The following LAMA2 variants were observed in gnomAD, a reference collection of about 807,000 sequenced individuals.
The protein encoded by LAMA2 is laminin subunit alpha 2, also known as laminin subunit alpha-2.
In LAMA2, 269 loss-of-function variants were observed where a neutral mutation model predicts 364.8. The ratio of observed to expected loss-of-function variants is 0.74; its 90% CI spans 0.67 to 0.82. LAMA2 has a LOEUF of 0.82. Ranked by LOEUF, LAMA2 falls within the 40% of genes least tolerant of loss-of-function variation. LAMA2 has a pLI of 0.00. For missense variants in LAMA2, 3,807 were observed against 3,873.2 expected (o/e 0.98, Z 0.45); for synonymous variants, 1,379 against 1,370.6 (o/e 1.01, Z -0.14).
At chr6:129,468,335 C>A (rs1783646240) in intron 51 of LAMA2, among the ~76,000 whole-genome samples, 1 of 151,726 alleles carries the variant, frequency 6.6e-6, no homozygotes, top group Non-Finnish European at 1.5e-5. Context: ...TGGTGTCTCA[C>A]CACAAATTTC....
chr6:129,418,969 A>G (rs923776362), intron 40 of LAMA2, among the ~76,000 whole-genome samples: 6 of 152,188 alleles, frequency 3.9e-5, no homozygotes, highest in Admixed American at 3.3e-4. Flanking sequence ...GTATTTAAAA[A>G]TATGCACTAC....
intron 12 of LAMA2, among the ~76,000 whole-genome samples, chr6:129,227,439 G>GT (rs908327428): frequency 6.6e-6 from 1 of 152,162 alleles, no homozygotes; most frequent in Non-Finnish European, 1.5e-5. Context: ...TCTCTGCTCT[G>GT]TTTTTTCCCC....
intron 41 of LAMA2, among the ~76,000 whole-genome samples, chr6:129,429,247 T>A (rs1005994757): frequency 6.6e-6 from 1 of 152,250 alleles, no homozygotes; most frequent in Non-Finnish European, 1.5e-5. Context: ...ATATTCCATC[T>A]TCTTTTACAA....
At chr6:129,195,739 C>T (rs1781798283) in intron 12 of LAMA2, among the ~76,000 whole-genome samples, 1 of 152,166 alleles carries the variant, frequency 6.6e-6, no homozygotes. Context: ...GGTTTTAGGG[C>T]ATTTGTTTAA....
chr6:129,251,979 T>G (rs1325394928), intron 13 of LAMA2, 105 bp from the exon 14 acceptor site: 2 of 698,848 alleles, frequency 2.9e-6, no homozygotes, highest in Non-Finnish European at 4.8e-6. Flanking sequence ...ATTTTTAAAG[T>G]TAAAAGTCTA....
chr6:128,896,197 G>A (rs1458388721), intron 1 of LAMA2, among the ~76,000 whole-genome samples: 1 of 151,604 alleles, frequency 6.6e-6, no homozygotes, highest in Non-Finnish European at 1.5e-5. Flanking sequence ...AAATTTTTGA[G>A]GTTTATGTGT....
rs111952391 is a variant in LAMA2, at chr6:129,510,911, T to C, written c.8858-1452T>C. ...GTTACAGGTTATGCTGAACCCCGAA[T>C]TCCATGTGCTATGAAAGTCTAAAAG... is the stretch of plus-strand genomic sequence containing the variant. On this transcript the variant is annotated intron_variant, in intron 62 of 64. Coordinates refer to ENST00000421865, the MANE Select transcript of LAMA2 (RefSeq NM_000426.4). Among the ~76,000 whole-genome samples the C allele has an allele frequency of 8.3e-3, 1,263 of 152,242 alleles. 11 individuals are homozygous for C. The highest frequency in any genetic ancestry group is 0.014 in the Non-Finnish European group (943 of 67,982).
At chr6:129,314,914 C>A in intron 24 of LAMA2, 116 bp downstream of exon 24, 3 of 1,060,798 alleles carry the variant, frequency 2.8e-6, no homozygotes, top group Non-Finnish European at 1.5e-6. Context: ...ACCTTTTCCT[C>A]TGTGAACATT....
intron 7 of LAMA2, among the ~76,000 whole-genome samples, chr6:129,151,671 C>T (rs1192973390): frequency 6.6e-6 from 1 of 152,200 alleles, no homozygotes; most frequent in African/African-American, 2.4e-5. Flanking sequence ...GCACATCTTA[C>T]ATGGTACAGG....
rs1583965215 is a variant in LAMA2, at chr6:129,516,217, C to G, written c.9239C>G (p.Thr3080Ser). 6.2e-7 allele frequency: 1 copy of G among 1,614,128 alleles called. No individual in the cohort carries two copies. The highest frequency in any genetic ancestry group is 8.5e-7 in the Non-Finnish European group (1 of 1,180,012). The stretch of plus-strand genomic sequence containing the variant: ...GACCTCAAGCAGTTTGGCCTAACAA[C>G]CAGTATTCCGTTCCGAGGTTGCATC... ...PDDLKQFGLT[T>S]SIPFRGCIRS... is the part of the protein sequence containing the mutation. The change falls in exon 65 of 65, where the codon ACC (threonine) becomes AGC (serine). Residue 3080 changes from threonine (T) to serine (S), a missense_variant. Coordinates refer to ENST00000421865, the MANE Select transcript of LAMA2 (RefSeq NM_000426.4).
In LAMA2 at chr6:129,479,258, T is replaced by G. The variant is rs530784718; in HGVS notation, c.7572+445T>G. Among the ~76,000 whole-genome samples, 4 of 152,316 alleles carry G rather than the reference T, an allele frequency of 2.6e-5. No individual in the cohort carries two copies. The South Asian group carries it at 8.3e-4, about 32-fold the overall frequency. On this transcript the variant is annotated intron_variant, in intron 54 of 64. Coordinates refer to ENST00000421865, the MANE Select transcript of LAMA2 (RefSeq NM_000426.4). ...CCGTAGCCATTAGTGCATAGTCTGT[T>G]GTCTACAAACTTGAAGTCTAGCCCC...
chr6:128,942,491 T>C (rs754404783), intron 1 of LAMA2, among the ~76,000 whole-genome samples: 2 of 152,216 alleles, frequency 1.3e-5, no homozygotes, highest in Non-Finnish European at 2.9e-5. Context: ...AGTGTCCTTT[T>C]TATTTACTTT....
intron 35 of LAMA2, among the ~76,000 whole-genome samples, chr6:129,384,076 G>T (rs1164238123): frequency 6.6e-6 from 1 of 152,132 alleles, no homozygotes; most frequent in Non-Finnish European, 1.5e-5. Context: ...GGCATCACTG[G>T]CCAAGAAGAG....
At chr6:129,165,479 T>C (rs1476734037) in intron 8 of LAMA2, 97 bp from the exon 9 acceptor site, 1 of 737,728 alleles carries the variant, frequency 1.4e-6, no homozygotes, top group East Asian at 2.7e-5. Flanking sequence ...TGCTGCTCTG[T>C]ATTATTAAAA....
At chr6:129,369,746 G>A in intron 33 of LAMA2, 146 bp from the exon 34 acceptor site, 2 of 717,112 alleles carry the variant, frequency 2.8e-6, no homozygotes, top group South Asian at 1.5e-5. Flanking sequence ...CACTCAATGT[G>A]TAAGTGCCCA....
intron 58 of LAMA2, among the ~76,000 whole-genome samples, chr6:129,493,915 GT>G (rs2114864182): frequency 6.6e-6 from 1 of 152,198 alleles, no homozygotes; most frequent in South Asian, 2.1e-4. Context: ...TATTGAGAGT[GT>G]TTCCAGTTTT....
intron 1 of LAMA2, among the ~76,000 whole-genome samples, chr6:128,884,835 G>A (rs1232139075): frequency 6.6e-6 from 1 of 152,168 alleles, no homozygotes; most frequent in Non-Finnish European, 1.5e-5. Context: ...TGGGAGAAAT[G>A]AGGGGCCAGG....
At chr6:129,227,216 C>T (rs1326556003) in intron 12 of LAMA2, among the ~76,000 whole-genome samples, 2 of 152,126 alleles carry the variant, frequency 1.3e-5, no homozygotes, top group Non-Finnish European at 2.9e-5. Flanking sequence ...ACTGGTTATT[C>T]TAGGTAGCCA....
At chr6:129,254,129 G>T (rs995038277) in intron 14 of LAMA2, among the ~76,000 whole-genome samples, 2 of 152,140 alleles carry the variant, frequency 1.3e-5, no homozygotes, top group Non-Finnish European at 2.9e-5. Flanking sequence ...TTTCGACTTG[G>T]TATACTGTTT....
Sources: allele counts gnomAD v4.1 joint callset (sites outside exome capture counted in the v4.1 genomes callset), GRCh38; gene constraint gnomAD v4.1.1; transcripts MANE v1.5; gene names NCBI Gene and HGNC (gene_info 2026-07-23, HGNC 2026-07-21).